NCKAP5: variants seen among roughly 807,000 people sequenced by gnomAD.
NCKAP5 encodes nck-associated protein 5.
NCKAP5 carries 92 observed loss-of-function variants against 167.0 expected under a neutral mutation model. The ratio of observed to expected loss-of-function variants is 0.55; its 90% CI spans 0.47 to 0.66. NCKAP5 has a LOEUF of 0.66. Ranked by LOEUF, NCKAP5 falls within the 30% of genes least tolerant of loss-of-function variation. The probability of loss-of-function intolerance (pLI) is 0.00; values close to 1 mark genes in which losing one functional copy is unlikely to be tolerated. For missense variants in NCKAP5, 2,378 were observed against 2,315.0 expected (o/e 1.03, Z -0.56); for synonymous variants, 891 against 877.4 (o/e 1.02, Z -0.27).
At chr2:133,448,275 G>A (rs963185596) in intron 3 of NCKAP5, among the ~76,000 whole-genome samples, 1 of 151,692 alleles carries the variant, frequency 6.6e-6, no homozygotes, top group Non-Finnish European at 1.5e-5. Flanking sequence ...AGGGAGGCGG[G>A]TTGGTGGCCA....
the NCKAP5 span, among the ~76,000 whole-genome samples, chr2:133,674,026 G>T: frequency 6.6e-6 from 1 of 152,192 alleles, no homozygotes; most frequent in African/African-American, 2.4e-5. Flanking sequence ...TGATCCAAGA[G>T]CTGGGTATTT....
chr2:133,655,875 C>T, the NCKAP5 span, among the ~76,000 whole-genome samples: 5 of 152,154 alleles, frequency 3.3e-5, no homozygotes, highest in African/African-American at 1.2e-4. Context: ...CTTGTAGAGG[C>T]TCTGCCTGTG....
In NCKAP5 at chr2:133,568,420, T is replaced by G. The variant is rs1369185207; in HGVS notation, c.-334A>C. 1 of 152,172 alleles carries G rather than the reference T, an allele frequency of 6.6e-6. No homozygotes were observed. Among genetic ancestry groups the G allele is most frequent in the Non-Finnish European group, 1.5e-5 (1 of 68,036 alleles). 9.4% of individuals were successfully genotyped at this position (152,172 alleles called of 1,614,324 possible). On this transcript the variant is annotated 5_prime_UTR_variant, in exon 1 of 20. Coordinates refer to ENST00000409261, the MANE Select transcript of NCKAP5 (RefSeq NM_207363.3). ...AGTCCTGCCGTGAATGCGGAGCAAG[T>G]TTGCGGAGACTTGCTCCCTGGGCTG...
At chr2:133,070,059 A>C (rs1420599122) in intron 6 of NCKAP5, among the ~76,000 whole-genome samples, 1 of 152,172 alleles carries the variant, frequency 6.6e-6, no homozygotes, top group Admixed American at 6.5e-5. Context: ...TGGTAATCAA[A>C]ACTAAAGCTG....
intron 3 of NCKAP5, among the ~76,000 whole-genome samples, chr2:133,443,584 C>T (rs1310719991): frequency 1.3e-5 from 2 of 152,188 alleles, no homozygotes; most frequent in African/African-American, 2.4e-5. Flanking sequence ...TGGAAATTTC[C>T]TGAGACCTTT....
chr2:133,362,910 T>C (rs1260905644), intron 3 of NCKAP5, among the ~76,000 whole-genome samples: 1 of 151,552 alleles, frequency 6.6e-6, no homozygotes, highest in African/African-American at 2.4e-5. Flanking sequence ...CCCGCCACCA[T>C]GCCAGGCTAG....
intron 3 of NCKAP5, among the ~76,000 whole-genome samples, chr2:133,341,218 C>T (rs1428440174): frequency 6.6e-6 from 1 of 151,266 alleles, no homozygotes; most frequent in East Asian, 1.9e-4. Flanking sequence ...AATATAGCAA[C>T]ATAAAAATGA....
At chr2:133,663,235 C>T in the NCKAP5 span, among the ~76,000 whole-genome samples, 1 of 149,630 alleles carries the variant, frequency 6.7e-6, no homozygotes, top group Non-Finnish European at 1.5e-5. Context: ...CACTGCAGTC[C>T]GCAGTCCGGC....
At chr2:132,974,712 T>C (rs1011131282) in intron 7 of NCKAP5, among the ~76,000 whole-genome samples, 2 of 152,150 alleles carry the variant, frequency 1.3e-5, no homozygotes, top group African/African-American at 4.8e-5. Context: ...GCGTGAACCA[T>C]GCTACTGGCA....
intron 9 of NCKAP5, among the ~76,000 whole-genome samples, chr2:132,874,811 C>A (rs774130604): frequency 2.6e-5 from 4 of 152,144 alleles, no homozygotes; most frequent in Non-Finnish European, 5.9e-5. Flanking sequence ...ATGAGGTCTA[C>A]GGATATGCAA....
the NCKAP5 span, among the ~76,000 whole-genome samples, chr2:133,637,839 T>G: frequency 2.6e-5 from 4 of 152,128 alleles, no homozygotes; most frequent in African/African-American, 7.2e-5. Context: ...ATGTCCTTGA[T>G]GAAAACCATA....
intron 3 of NCKAP5, among the ~76,000 whole-genome samples, chr2:133,396,632 C>G (rs892657495): frequency 1.3e-5 from 2 of 152,048 alleles, no homozygotes; most frequent in Admixed American, 1.3e-4. Flanking sequence ...CAAGTTCCCC[C>G]CTTTTTATAA....
the NCKAP5 span, among the ~76,000 whole-genome samples, chr2:133,619,259 A>T: frequency 1.5e-5 from 2 of 136,284 alleles, no homozygotes; most frequent in African/African-American, 5.3e-5. Flanking sequence ...TACATATGTA[A>T]CTAACCTGCA....
At chr2:133,531,301 T>C (rs1685346828) in intron 2 of NCKAP5, among the ~76,000 whole-genome samples, 1 of 152,178 alleles carries the variant, frequency 6.6e-6, no homozygotes, top group African/African-American at 2.4e-5. Context: ...ATTTATTGAA[T>C]TAATAAGCTA....
At chr2:133,102,760 C>CAT in intron 6 of NCKAP5, among the ~76,000 whole-genome samples, 1 of 148,722 alleles carries the variant, frequency 6.7e-6, no homozygotes, top group South Asian at 2.1e-4. Context: ...CACACACACA[C>CAT]ACACACACAC....
intron 7 of NCKAP5, among the ~76,000 whole-genome samples, chr2:132,993,394 G>A (rs1458900619): frequency 6.6e-6 from 1 of 152,110 alleles, no homozygotes; most frequent in Non-Finnish European, 1.5e-5. Flanking sequence ...CAGATTAGAT[G>A]TCCTGCTTCC....
intron 2 of NCKAP5, among the ~76,000 whole-genome samples, chr2:133,557,157 T>A (rs1687799014): frequency 6.6e-6 from 1 of 152,206 alleles, no homozygotes; most frequent in Non-Finnish European, 1.5e-5. Context: ...CGATAGCTTG[T>A]CTTTCCAAAA....
At chr2:133,279,654 A>G (rs1474033590) in intron 4 of NCKAP5, among the ~76,000 whole-genome samples, 1 of 152,236 alleles carries the variant, frequency 6.6e-6, no homozygotes, top group Non-Finnish European at 1.5e-5. Context: ...TGAATTCAGC[A>G]CAGCAACTTA....
intron 3 of NCKAP5, among the ~76,000 whole-genome samples, chr2:133,319,039 T>A (rs1681827543): frequency 6.6e-6 from 1 of 152,076 alleles, no homozygotes; most frequent in African/African-American, 2.4e-5. Flanking sequence ...AATGTATGGT[T>A]TTAGGAGCCC....
Sources: gnomAD v4.1 joint callset for allele counts (sites outside exome capture counted in the v4.1 genomes callset) on GRCh38, gnomAD v4.1.1 for gene constraint, MANE v1.5 for transcripts, NCBI Gene and HGNC (gene_info 2026-07-23, HGNC 2026-07-21) for gene names.